The following CROCC2 variants were observed in gnomAD, a reference collection of about 807,000 sequenced individuals.
The protein encoded by CROCC2 is ciliary rootlet coiled-coil, rootletin family member 2.
Under a neutral mutation model 177.6 loss-of-function variants are expected in CROCC2, and 163 were observed. The ratio of observed to expected loss-of-function variants is 0.92; its 90% CI spans 0.81 to 1.05. The LOEUF is 1.05. CROCC2 is among the 50% of genes least tolerant of loss of function. The pLI is 0.00. For synonymous variants in CROCC2, 904 were observed against 787.3 expected, an observed-to-expected ratio of 1.15 and a Z score of -2.48; for missense variants, 1,929 against 1,797.8, an observed-to-expected ratio of 1.07 and a Z score of -1.32.
At chr2:240,974,900 G>A (rs919413927) in intron 27 of CROCC2, among the ~76,000 whole-genome samples, 2 of 152,162 alleles carry the variant, frequency 1.3e-5, no homozygotes, top group Admixed American at 6.5e-5. Flanking sequence ...TTGAAAGCAT[G>A]AGTGTGTGTT....
At position 240,931,020 on chromosome 2, in the gene CROCC2, C is replaced by T. The variant is rs1179561812; in HGVS notation, c.839C>T (p.Ser280Leu). The part of the protein sequence containing the change: ...CLNLDSNLRL[S>L]ASSTASTLGQ... ...AACCTCGACTCCAACCTGCGGCTGT[C>T]GGCCAGCAGCACGGCCAGCACCCTG... is the stretch of plus-strand genomic sequence containing the variant. The change falls in exon 7 of 32, where the codon TCG becomes TTG. Residue 280 changes from serine to leucine, a missense_variant. Ser to Leu is a moderately radical substitution (Grantham distance 145, BLOSUM62 -2). Around this residue, in one of 3 missense-constraint regions of CROCC2, gnomAD observed 1,397 missense variants for 1,239.9 expected, o/e 1.13. Coordinates refer to ENST00000690015, the MANE Select transcript of CROCC2 (RefSeq NM_001351305.2). 6 of 716,376 alleles carry T rather than the reference C, an allele frequency of 8.4e-6. No individual in the cohort carries two copies. The highest frequency in any genetic ancestry group is 3.5e-5 in the African/African-American group (2 of 57,244). The allele number at this position is 716,376 out of a possible 1,614,324, so 44.4% of individuals were successfully genotyped here.
At chr2:240,950,619 C>T in intron 18 of CROCC2, 109 bp downstream of exon 18, 1 of 1,121,864 alleles carries the variant, frequency 8.9e-7, no homozygotes, top group Non-Finnish European at 1.2e-6. Flanking sequence ...GTCCAACCGC[C>T]TACCCACCCA....
At chr2:240,913,930 GA>G (rs1222889894) in intron 1 of CROCC2, among the ~76,000 whole-genome samples, 1 of 152,276 alleles carries the variant, frequency 6.6e-6, no homozygotes, top group Non-Finnish European at 1.5e-5. Flanking sequence ...CCTGTCCTCA[GA>G]TGTGTTCTTC....
Position 240,917,470 on chromosome 2 carries a change from C to T in CROCC2, c.79-1256C>T, listed in dbSNP as rs1172303738. On this transcript the variant is annotated intron_variant, in intron 1 of 31. Coordinates refer to ENST00000690015, the MANE Select transcript of CROCC2 (RefSeq NM_001351305.2). This position sits in a 1 kb window ranked among gnomAD's most constrained non-coding sequence, Gnocchi z 4.9. ...GGCCTGAGGTCAGAGTCCGGGGACGCAAGCAGGGTCTCAGGGAGGGCCAAG... is the reference window on the plus strand; with the variant it reads ...GGCCTGAGGTCAGAGTCCGGGGACGTAAGCAGGGTCTCAGGGAGGGCCAAG... Among the ~76,000 whole-genome samples, 5 of 152,082 alleles carry T rather than the reference C, an allele frequency of 3.3e-5. No individual in the cohort carries two copies. The highest frequency in any genetic ancestry group is 5.9e-5 in the Non-Finnish European group (4 of 67,992).
chr2:240,990,773 G>T (rs146654164), intron 30 of CROCC2, among the ~76,000 whole-genome samples: 2,634 of 152,168 alleles, frequency 0.017, 77 homozygotes, highest in African/African-American at 0.059. Flanking sequence ...TAGTAGAGAC[G>T]GGGTTTCACC....
intron 28 of CROCC2, chr2:240,983,568 A>T: frequency 7.8e-7 from 1 of 1,278,766 alleles, no homozygotes; most frequent in South Asian, 1.2e-5. Context: ...CTGCGCGCTC[A>T]GCTCGCACAG....
chr2:240,990,750 T>C (rs771110831), intron 30 of CROCC2, among the ~76,000 whole-genome samples: 40 of 152,084 alleles, frequency 2.6e-4, no homozygotes, highest in Admixed American at 8.5e-4. Flanking sequence ...GCCTGGCTAA[T>C]TTTTTGTATT....
chr2:240,988,319 G>A (rs2059854077), intron 28 of CROCC2, among the ~76,000 whole-genome samples: 3 of 152,218 alleles, frequency 2.0e-5, no homozygotes, highest in Admixed American at 1.3e-4. Flanking sequence ...GTGCCTGTAC[G>A]AGCTCAGCAG....
At chr2:240,984,367 G>A (rs74001747) in intron 28 of CROCC2, among the ~76,000 whole-genome samples, 26,397 of 151,954 alleles carry the variant, frequency 0.17, 2,702 homozygotes, top group African/African-American at 0.29. Flanking sequence ...GACTGATAGG[G>A]AAACAGCCCA....
chr2:240,990,715 G>C (rs113960701), intron 30 of CROCC2, among the ~76,000 whole-genome samples: 1 of 152,020 alleles, frequency 6.6e-6, no homozygotes, highest in Non-Finnish European at 1.5e-5. Context: ...CCAGAGTAGC[G>C]GGGATTGCAG....
chr2:240,925,951 G>A, intron 5 of CROCC2, 71 bp downstream of exon 5: 1 of 641,312 alleles, frequency 1.6e-6, no homozygotes, highest in Non-Finnish European at 2.9e-6. Context: ...TAGCAGGCAG[G>A]GACATGGTGA....
intron 18 of CROCC2, chr2:240,950,793 CTCCATCTG>C (rs1168406929): frequency 4.8e-6 from 2 of 415,232 alleles, no homozygotes; most frequent in Non-Finnish European, 8.6e-6. Context: ...CCATCCATCC[CTCCATCTG>C]TCCATTCATA....
At chr2:240,936,539 A>G (rs2059471757) in intron 14 of CROCC2, among the ~76,000 whole-genome samples, 1 of 152,160 alleles carries the variant, frequency 6.6e-6, no homozygotes. Flanking sequence ...TTTTAACTGC[A>G]TAGTTATATT....
At chr2:240,968,918 C>G (rs1055571520) in intron 27 of CROCC2, among the ~76,000 whole-genome samples, 1 of 152,158 alleles carries the variant, frequency 6.6e-6, no homozygotes, top group African/African-American at 2.4e-5. Flanking sequence ...GCCAGCCCAG[C>G]CCCACAGGTC....
At chr2:240,968,629 A>G (rs1324121142) in intron 27 of CROCC2, among the ~76,000 whole-genome samples, 2 of 152,246 alleles carry the variant, frequency 1.3e-5, no homozygotes, top group Non-Finnish European at 2.9e-5. Context: ...AGCGGCAGGC[A>G]TGGGGCGGCC....
In CROCC2 at chr2:240,940,416, T is replaced by C. The variant is rs376268207; in HGVS notation, c.2169+4828T>C. 1.2e-4 allele frequency among the ~76,000 whole-genome samples: 18 copies of C among 152,332 alleles called. 1 individual carries two copies. The East Asian group carries it at 3.1e-3, about 26-fold the overall frequency. On this transcript the variant is annotated intron_variant, in intron 14 of 31. Coordinates refer to ENST00000690015, the MANE Select transcript of CROCC2 (RefSeq NM_001351305.2). ...TGATATAGCCACTTCCATTTTCTTA[T>C]GCTTAGTGTTTCCGTGGTATATCCT...
chr2:240,955,811 C>A, intron 18 of CROCC2, 48 bp from the exon 19 acceptor site: 1 of 1,366,834 alleles, frequency 7.3e-7, no homozygotes, highest in East Asian at 2.5e-5. Flanking sequence ...CCTCTTCCCT[C>A]CCCCGAGACT....
At chr2:240,968,351 CGGGAGGT>C in intron 27 of CROCC2, 89 bp downstream of exon 27, 1 of 1,392,748 alleles carries the variant, frequency 7.2e-7, no homozygotes, top group Non-Finnish European at 9.4e-7. Flanking sequence ...GCCACAGGGC[CGGGAGGT>C]GGGAGAGAGG....
At chr2:240,952,176 T>C (rs80163624) in intron 18 of CROCC2, among the ~76,000 whole-genome samples, 2,202 of 152,020 alleles carry the variant, frequency 0.014, 48 homozygotes, top group African/African-American at 0.05. Flanking sequence ...TGAAACCCAG[T>C]CTCTACTAAA....
Sources: allele counts gnomAD v4.1 joint callset (sites outside exome capture counted in the v4.1 genomes callset), GRCh38; gene constraint gnomAD v4.1.1; regional missense constraint gnomAD v4.1.1; non-coding constraint Gnocchi (gnomAD v3.1); transcripts MANE v1.5; gene names NCBI Gene and HGNC (gene_info 2026-07-23, HGNC 2026-07-21).